Variants in ATP13A5 observed in about 807,000 individuals in gnomAD.
The protein encoded by ATP13A5 is probable cation-transporting ATPase 13A5.
Under a neutral mutation model 150.2 loss-of-function variants are expected in ATP13A5, and 149 were observed. That is an observed-to-expected ratio of 0.99 (90% CI 0.87 to 1.14). The LOEUF (loss-of-function observed/expected upper bound fraction) is 1.14, where lower values mean the gene tolerates loss of function less well. ATP13A5 is among the 50% of genes most tolerant of loss of function. The probability of loss-of-function intolerance (pLI) is 0.00; values close to 1 mark genes in which losing one functional copy is unlikely to be tolerated. For synonymous variants in ATP13A5, 497 were observed against 522.2 expected (o/e 0.95, Z 0.66); for missense variants, 1,383 against 1,449.3 (o/e 0.95, Z 0.74).
intron 17 of ATP13A5, 30 bp from the exon 18 acceptor site, chr3:193,315,126 A>C (rs369486783): frequency 7.5e-5 from 121 of 1,608,696 alleles, no homozygotes; most frequent in Non-Finnish European, 9.1e-5. Context: ...TCAATATTAA[A>C]GTATATCTAC....
At chr3:193,325,079 T>A in intron 13 of ATP13A5, 65 bp from the exon 14 acceptor site, 1 of 1,515,186 alleles carries the variant, frequency 6.6e-7, no homozygotes, top group South Asian at 1.2e-5. Flanking sequence ...CCCTTAAATC[T>A]TACTAAAGTG....
chr3:193,314,979 C>T lies in ATP13A5; in HGVS notation c.2151G>A (p.Met717Ile), dbSNP rs267599736. The change falls in exon 18 of 30, where the codon ATG (methionine) becomes ATA (isoleucine). Residue 717 changes from methionine to isoleucine, a missense_variant. Around this residue, in one of 3 missense-constraint regions of ATP13A5, gnomAD observed 568 missense variants for 621.5 expected, o/e 0.91. Coordinates refer to ENST00000342358, the MANE Select transcript of ATP13A5 (RefSeq NM_198505.4). ...CTAGAAACAAATACATACCTGTAAT[C>T]ATCACAGTCCTGATACGGGCCTCAC... ...ELSEARIRTV[M>I]ITGDNLQTAI... 2 of 1,612,564 alleles carry T rather than the reference C, an allele frequency of 1.2e-6. No individual in the cohort carries two copies. The highest frequency in any genetic ancestry group is 2.2e-5 in the South Asian group (2 of 90,946).
At chr3:193,368,426 A>G (rs1265085080) in intron 1 of ATP13A5, among the ~76,000 whole-genome samples, 2 of 74,932 alleles carry the variant, frequency 2.7e-5, no homozygotes, top group East Asian at 5.9e-4. Flanking sequence ...GTGTGTGGTA[A>G]TTGACAACTT....
intron 1 of ATP13A5, among the ~76,000 whole-genome samples, chr3:193,376,330 C>T (rs1327457755): frequency 6.6e-6 from 1 of 152,188 alleles, no homozygotes; most frequent in Non-Finnish European, 1.5e-5. Context: ...CATCTTTTCT[C>T]TGTGCCCTCA....
chr3:193,360,578 A>G (rs1322754926), intron 5 of ATP13A5, among the ~76,000 whole-genome samples: 2 of 152,216 alleles, frequency 1.3e-5, no homozygotes, highest in South Asian at 2.1e-4. Context: ...AATAACATAA[A>G]TATGACCATG....
At chr3:193,295,486 C>T (rs1471796168) in intron 25 of ATP13A5, among the ~76,000 whole-genome samples, 3 of 152,058 alleles carry the variant, frequency 2.0e-5, no homozygotes, top group Non-Finnish European at 4.4e-5. Context: ...CTGCTACTCA[C>T]TACTTTCAAC....
Position 193,351,146 on chromosome 3 carries a change from T to C in ATP13A5, c.662A>G (p.Gln221Arg), listed in dbSNP as rs750007232. The C allele has an allele frequency of 3.1e-6, 5 of 1,613,800 alleles. No homozygotes were observed. The East Asian group carries it at 1.1e-4, about 36-fold the overall frequency. Residue 221 changes from glutamine (Q) to arginine (R), a missense_variant, in exon 7 of 30, where the codon CAA (glutamine) becomes CGA (arginine). Around this residue, in one of 3 missense-constraint regions of ATP13A5, gnomAD observed 787 missense variants for 771.9 expected, o/e 1.02. Transcript: ENST00000342358. ...QAFTLTLWLS[Q>R]GYIEYSVAII... ...GGCCACAGAGTATTCTATGTAACCT[T>C]GAGACAGCCACAAAGTTAGGGTGAA...
At position 193,304,459 on chromosome 3, in the gene ATP13A5, T is replaced by G. The variant is rs890030455; in HGVS notation, c.2678+1100A>C. 6.6e-5 allele frequency among the ~76,000 whole-genome samples: 10 copies of G among 152,322 alleles called. No individual in the cohort carries two copies. The East Asian group carries it at 1.9e-3, about 29-fold the overall frequency. On this transcript the variant is annotated intron_variant, in intron 23 of 29. Transcript: ENST00000342358. Reference sequence around the variant, plus strand: ...GTGATTCCTGCCAGTGACCTGTTTATTCTGATGCACCAAAGGACATGCTGG... The same window carrying G: ...GTGATTCCTGCCAGTGACCTGTTTAGTCTGATGCACCAAAGGACATGCTGG...
At chr3:193,366,104 G>C (rs919993096) in intron 1 of ATP13A5, among the ~76,000 whole-genome samples, 2 of 152,022 alleles carry the variant, frequency 1.3e-5, no homozygotes, top group African/African-American at 2.4e-5. Flanking sequence ...CCAAATGATA[G>C]CTAATGGTTC....
At chr3:193,366,366 C>T (rs1345290189) in intron 1 of ATP13A5, among the ~76,000 whole-genome samples, 2 of 151,798 alleles carry the variant, frequency 1.3e-5, no homozygotes, top group African/African-American at 2.4e-5. Context: ...ACACTTTAAA[C>T]ATAAAGAAGT....
intron 5 of ATP13A5, among the ~76,000 whole-genome samples, chr3:193,357,365 C>A (rs1712833603): frequency 6.6e-6 from 1 of 152,166 alleles, no homozygotes; most frequent in Admixed American, 6.5e-5. Flanking sequence ...GCCTGTAGAT[C>A]ATCCTCTTTA....
At chr3:193,314,490 G>C (rs573099558) in intron 18 of ATP13A5, 31 of 344,004 alleles carry the variant, frequency 9.0e-5, no homozygotes, top group African/African-American at 5.8e-4. Context: ...ACTCTTAGTG[G>C]AGAATATAGC....
intron 27 of ATP13A5, among the ~76,000 whole-genome samples, chr3:193,281,962 G>A (rs1307808718): frequency 1.5e-4 from 23 of 152,026 alleles, no homozygotes; most frequent in Non-Finnish European, 2.8e-4. Context: ...TTGGGAGGCC[G>A]AAGCGGGTGG....
chr3:193,275,168 ATC>A lies in ATP13A5; in HGVS notation c.3529_3530del (p.Asp1177LeufsTer4). On this transcript the variant is annotated frameshift_variant, in exon 30 of 30. Coordinates refer to ENST00000342358, the MANE Select transcript of ATP13A5 (RefSeq NM_198505.4). LOFTEE classifies it low-confidence loss of function (END_TRUNC). Reference sequence around the variant, plus strand: ...ATCCATTTTTGCCATCACCTGAATAATCTGTCCTGTTTATGGGAGGCCAGGTT... The same window carrying A: ...ATCCATTTTTGCCATCACCTGAATAATGTCCTGTTTATGGGAGGCCAGGTT... ...DSTWPPINRTDYSGDGKNGFY... is the reference protein window; with the variant it reads ...DSTWPPINRTXYSGDGKNGFY... The A allele has an allele frequency of 6.2e-7, 1 of 1,614,164 alleles. No homozygotes were observed. Among genetic ancestry groups the A allele is most frequent in the Non-Finnish European group, 8.5e-7 (1 of 1,180,022 alleles).
At chr3:193,370,905 T>C (rs550042099) in intron 1 of ATP13A5, among the ~76,000 whole-genome samples, 229 of 152,338 alleles carry the variant, frequency 1.5e-3, no homozygotes, top group African/African-American at 5.3e-3. Flanking sequence ...CTTTTCACTA[T>C]CTAGCAGTGT....
chr3:193,363,392 A>T lies in ATP13A5; in HGVS notation c.238-10T>A, dbSNP rs1647548740. ...ATCTTTGAAATTCGTCCTGGAAAAG[A>T]CAATCCAGTTCATGAAATTCTCAAG... On this transcript the variant is annotated splice_polypyrimidine_tract_variant and intron_variant, in intron 2 of 29. Transcript: ENST00000342358. 6.2e-7 allele frequency: 1 copy of T among 1,608,494 alleles called. No homozygotes were observed. The highest frequency in any genetic ancestry group is 1.3e-5 in the African/African-American group (1 of 74,922).
chr3:193,294,824 C>A (rs1718100121), intron 25 of ATP13A5, among the ~76,000 whole-genome samples: 1 of 152,132 alleles, frequency 6.6e-6, no homozygotes, highest in Non-Finnish European at 1.5e-5. Context: ...TTAGCCTAGC[C>A]TAGCTCAAAC....
At chr3:193,299,660 T>C (rs1718325939) in intron 24 of ATP13A5, among the ~76,000 whole-genome samples, 1 of 152,164 alleles carries the variant, frequency 6.6e-6, no homozygotes, top group Non-Finnish European at 1.5e-5. Context: ...TTTCACAAAC[T>C]GAACAAAGGC....
intron 9 of ATP13A5, among the ~76,000 whole-genome samples, chr3:193,338,693 T>C (rs1711992711): frequency 6.6e-6 from 1 of 152,210 alleles, no homozygotes; most frequent in Non-Finnish European, 1.5e-5. Flanking sequence ...TCTAAAATTC[T>C]CTTTTTTTTG....
Sources: allele counts gnomAD v4.1 joint callset (sites outside exome capture counted in the v4.1 genomes callset), GRCh38; gene constraint gnomAD v4.1.1; regional missense constraint gnomAD v4.1.1; transcripts MANE v1.5; gene names NCBI Gene and HGNC (gene_info 2026-07-23, HGNC 2026-07-21).